Variants in WDR11 observed in about 807,000 individuals in gnomAD.
WDR11 encodes WD repeat-containing protein 11.
WDR11 carries 83 observed loss-of-function variants against 151.2 expected under a neutral mutation model. That is an observed-to-expected ratio of 0.55 (90% confidence interval 0.46 to 0.66). WDR11 has a LOEUF of 0.66. Ranked by LOEUF, WDR11 falls within the 30% of genes least tolerant of loss-of-function variation. The pLI, the probability that WDR11 is intolerant of heterozygous loss-of-function variation, is 0.00. For missense variants in WDR11, 1,301 were observed against 1,480.9 expected (o/e 0.88, Z 1.99); for synonymous variants, 484 against 533.1 (o/e 0.91, Z 1.27).
At chr10:120,868,405 C>T (rs563727073) in intron 9 of WDR11, among the ~76,000 whole-genome samples, 3 of 151,824 alleles carry the variant, frequency 2.0e-5, no homozygotes, top group East Asian at 1.9e-4. Context: ...TGCAGTGAGC[C>T]GAGATTGCAC....
intron 5 of WDR11, among the ~76,000 whole-genome samples, chr10:120,864,479 C>T (rs1343156010): frequency 6.6e-6 from 1 of 152,058 alleles, no homozygotes; most frequent in Non-Finnish European, 1.5e-5. Flanking sequence ...CTTATAGTTT[C>T]ACCTGTTTTA....
intron 20 of WDR11, 102 bp from the exon 21 acceptor site, chr10:120,900,934 C>A: frequency 1.2e-6 from 1 of 835,000 alleles, no homozygotes; most frequent in Non-Finnish European, 2.0e-6. Context: ...CCAAGAACTA[C>A]GAAGAAGGTT....
At position 120,904,111 on chromosome 10, in the gene WDR11, A is replaced by C; in HGVS notation, c.2996A>C (p.Lys999Thr). Residue 999 changes from lysine to threonine, a missense_variant, in exon 24 of 29, where the codon AAA becomes ACA. Physicochemically the swap from Lys to Thr is moderately conservative, Grantham distance 78 (BLOSUM62 -1). Coordinates refer to ENST00000263461, the MANE Select transcript of WDR11 (RefSeq NM_018117.12). ...CGGTCAACTTATGATCATACAAGGA[A>C]ATGTACAGACCAGCTACTGCTCTTG... ...VKRSTYDHTR[K>T]CTDQLLLLGQ... The C allele has an allele frequency of 1.9e-6, 3 of 1,613,554 alleles. No homozygotes were observed. The highest frequency in any genetic ancestry group is 2.5e-6 in the Non-Finnish European group (3 of 1,179,576).
Position 120,904,151 on chromosome 10 carries a change from G to C in WDR11, c.3027+9G>C. ...TACTGCTCTTGGGTCAAGTATGTCAGTTTTTATAACTCTACATGCTTCATT... is the reference window on the plus strand; with the variant it reads ...TACTGCTCTTGGGTCAAGTATGTCACTTTTTATAACTCTACATGCTTCATT... On this transcript the variant is annotated intron_variant, in intron 24 of 28. Coordinates refer to ENST00000263461, the MANE Select transcript of WDR11 (RefSeq NM_018117.12). 6.3e-7 allele frequency: 1 copy of C among 1,588,412 alleles called. No individual in the cohort carries two copies. Among genetic ancestry groups the C allele is most frequent in the Non-Finnish European group, 8.6e-7 (1 of 1,156,910 alleles).
intron 3 of WDR11, 77 bp downstream of exon 3, chr10:120,858,873 T>C: frequency 6.5e-7 from 1 of 1,547,446 alleles, no homozygotes; most frequent in Non-Finnish European, 8.9e-7. Context: ...TTGGGGGTTT[T>C]CCCCCATTCA....
chr10:120,903,845 G>T (rs147720351), intron 23 of WDR11, among the ~76,000 whole-genome samples: 1 of 152,102 alleles, frequency 6.6e-6, no homozygotes, highest in Non-Finnish European at 1.5e-5. Context: ...AGGCAGGCAG[G>T]TATGCATCCA....
intron 20 of WDR11, 35 bp from the exon 21 acceptor site, chr10:120,901,001 A>G (rs1350251265): frequency 1.4e-6 from 2 of 1,398,904 alleles, no homozygotes; most frequent in Admixed American, 1.7e-5. Context: ...TTAAGTGAAG[A>G]GATAATGAAC....
At chr10:120,878,076 T>C (rs1249235322) in intron 11 of WDR11, among the ~76,000 whole-genome samples, 1 of 152,172 alleles carries the variant, frequency 6.6e-6, no homozygotes, top group African/African-American at 2.4e-5. Context: ...CCTGGCCAGA[T>C]TTTAATAGTC....
rs975563146 is a variant in WDR11 at position 120,909,031 on chromosome 10, T to C, written c.*318T>C. 1 of 336,628 alleles carries C rather than the reference T, an allele frequency of 3.0e-6. No individual in the cohort carries two copies. Among genetic ancestry groups the C allele is most frequent in the Non-Finnish European group, 5.6e-6 (1 of 178,540 alleles). 20.9% of individuals were successfully genotyped at this position (336,628 alleles called of 1,614,324 possible). ...TTAACTTAAAATTCAAGAGACTGAA[T>C]CACTTTTCTCATTGATTAAATGTAA... On this transcript the variant is annotated 3_prime_UTR_variant, in exon 29 of 29. Transcript: ENST00000263461.
rs544302599 is a variant in WDR11, at chr10:120,862,667, G to A, written c.527-68G>A. 51 of 1,493,834 alleles carry A rather than the reference G, an allele frequency of 3.4e-5. 1 individual carries two copies. The highest frequency in any genetic ancestry group is 3.1e-4 in the South Asian group (27 of 88,130). 92.5% of individuals were successfully genotyped at this position (1,493,834 alleles called of 1,614,324 possible). On this transcript the variant is annotated intron_variant, in intron 4 of 28. Coordinates refer to ENST00000263461, the MANE Select transcript of WDR11 (RefSeq NM_018117.12). The stretch of plus-strand genomic sequence containing the variant: ...TTATCACTATATTGCTCTCAAAATT[G>A]TATTGGAATAAAACTGTATGCTAAA...
chr10:120,894,760 G>A (rs761574843), intron 19 of WDR11, among the ~76,000 whole-genome samples: 4 of 152,220 alleles, frequency 2.6e-5, no homozygotes, highest in African/African-American at 9.6e-5. Context: ...AGCAGAATCC[G>A]TGACAAACAG....
chr10:120,865,842 C>G, intron 7 of WDR11, 98 bp downstream of exon 7: 1 of 790,690 alleles, frequency 1.3e-6, no homozygotes, highest in Non-Finnish European at 2.1e-6. Context: ...GTTAATGATA[C>G]TCCTTGCTTT....
At chr10:120,886,019 G>A (rs1847204163) in intron 15 of WDR11, 81 bp downstream of exon 15, 3 of 1,580,846 alleles carry the variant, frequency 1.9e-6, no homozygotes, top group Non-Finnish European at 2.6e-6. Context: ...ATCGGAAGGT[G>A]TCTATGGTAG....
chr10:120,884,473 A>G (rs1198488368), intron 14 of WDR11, among the ~76,000 whole-genome samples: 1 of 152,162 alleles, frequency 6.6e-6, no homozygotes, highest in Non-Finnish European at 1.5e-5. Context: ...TTAATACCGT[A>G]TAGAGAAGTG....
At chr10:120,908,484 C>T in intron 28 of WDR11, 72 bp from the exon 29 acceptor site, 2 of 1,540,196 alleles carry the variant, frequency 1.3e-6, no homozygotes, top group South Asian at 1.1e-5. Flanking sequence ...ACTCACCCTT[C>T]CTGCTTCTGG....
At chr10:120,876,759 A>C (rs1384038845) in intron 11 of WDR11, among the ~76,000 whole-genome samples, 2 of 152,182 alleles carry the variant, frequency 1.3e-5, no homozygotes, top group African/African-American at 4.8e-5. Context: ...TTAATACTTC[A>C]CACGTATCAT....
rs1296748983 is a variant in WDR11 at position 120,886,159 on chromosome 10, A to G, written c.1973+221A>G. Among the ~76,000 whole-genome samples the G allele has an allele frequency of 2.0e-5, 3 of 152,202 alleles. No individual in the cohort carries two copies. The East Asian group carries it at 5.8e-4, about 29-fold the overall frequency. The stretch of plus-strand genomic sequence containing the variant: ...GTTATAACTAATAACATATGCAGTA[A>G]TATTCACCCATCAGCATCTAGTAGT... On this transcript the variant is annotated intron_variant, in intron 15 of 28. Coordinates refer to ENST00000263461, the MANE Select transcript of WDR11 (RefSeq NM_018117.12).
rs1846273696 is a variant in WDR11 at position 120,865,290 on chromosome 10, G to C, written c.879+78G>C. The C allele has an allele frequency of 2.8e-6, 4 of 1,414,592 alleles. No homozygotes were observed. In the East Asian group the frequency reaches 9.4e-5, roughly 33 times the overall value. The allele number at this position is 1,414,592 out of a possible 1,614,324, so 87.6% of individuals were successfully genotyped here. ...AAAAGAAGGCCATAATCTTGCATAAGTCTTGTCTTCAGTTCTCCACTTTCT... is the reference window on the plus strand; with the variant it reads ...AAAAGAAGGCCATAATCTTGCATAACTCTTGTCTTCAGTTCTCCACTTTCT... On this transcript the variant is annotated intron_variant, in intron 6 of 28. Transcript: ENST00000263461.
intron 14 of WDR11, chr10:120,885,188 T>A (rs1205754331): frequency 6.6e-6 from 1 of 152,212 alleles, no homozygotes; most frequent in Non-Finnish European, 1.5e-5. Flanking sequence ...AATTGGCTGA[T>A]GCACCCATGG....
Sources: allele counts gnomAD v4.1 joint callset (sites outside exome capture counted in the v4.1 genomes callset), GRCh38; gene constraint gnomAD v4.1.1; transcripts MANE v1.5; gene names NCBI Gene and HGNC (gene_info 2026-07-23, HGNC 2026-07-21).